Variants in GRM3 observed in about 807,000 individuals in gnomAD.
GRM3 encodes metabotropic glutamate receptor 3.
A neutral mutation model predicts 70.5 loss-of-function variants in GRM3; 26 were observed. That is an observed-to-expected ratio of 0.37 (90% CI 0.27 to 0.51). The LOEUF (loss-of-function observed/expected upper bound fraction) is 0.51, where lower values mean the gene tolerates loss of function less well. GRM3 is among the 20% of genes least tolerant of loss of function. The pLI is 0.93. For synonymous variants in GRM3, 443 were observed against 434.9 expected (o/e 1.02, Z -0.23); for missense variants, 859 against 1,123.8 (o/e 0.76, Z 3.37).
intron 1 of GRM3, among the ~76,000 whole-genome samples, chr7:86,670,467 A>G (rs575023201): frequency 2.0e-5 from 3 of 152,334 alleles, no homozygotes; most frequent in East Asian, 3.9e-4. Context: ...ATCCAGGAAC[A>G]TGACCTTGGA....
chr7:86,793,038 T>C (rs11764650), intron 3 of GRM3, among the ~76,000 whole-genome samples: 1 of 133,568 alleles, frequency 7.5e-6, no homozygotes, highest in African/African-American at 3.0e-5. Context: ...TTTTTTTTTT[T>C]TGCTACCAGT....
At chr7:86,683,874 T>C (rs1794499804) in intron 1 of GRM3, among the ~76,000 whole-genome samples, 1 of 152,114 alleles carries the variant, frequency 6.6e-6, no homozygotes, top group Non-Finnish European at 1.5e-5. Context: ...ATGTGACACA[T>C]GATCATGGTG....
intron 3 of GRM3, among the ~76,000 whole-genome samples, chr7:86,826,420 T>C (rs1345484035): frequency 6.6e-6 from 1 of 152,172 alleles, no homozygotes; most frequent in Non-Finnish European, 1.5e-5. Flanking sequence ...CTGACTGGTT[T>C]CTTAAAAGGG....
intron 3 of GRM3, among the ~76,000 whole-genome samples, chr7:86,798,460 T>C (rs180927739): frequency 1.3e-5 from 2 of 152,330 alleles, no homozygotes; most frequent in East Asian, 3.9e-4. Context: ...GATTTTGGAC[T>C]TGCATGGGTC....
chr7:86,796,258 T>A (rs1472861611), intron 3 of GRM3, among the ~76,000 whole-genome samples: 1 of 152,230 alleles, frequency 6.6e-6, no homozygotes. Context: ...AAGGAAGGGA[T>A]CCTATTTTAA....
chr7:86,650,951 C>G (rs941904032), intron 1 of GRM3, among the ~76,000 whole-genome samples: 1 of 152,146 alleles, frequency 6.6e-6, no homozygotes, highest in Non-Finnish European at 1.5e-5. Context: ...TGTTAGAAAA[C>G]TCTCAGCATT....
intron 1 of GRM3, among the ~76,000 whole-genome samples, chr7:86,664,741 G>A (rs1287560921): frequency 2.6e-5 from 4 of 151,904 alleles, no homozygotes; most frequent in African/African-American, 9.7e-5. Flanking sequence ...GAAGCTCATA[G>A]AGGGTGATTC....
chr7:86,774,918 T>C (rs1332691221), intron 2 of GRM3, among the ~76,000 whole-genome samples: 1 of 152,132 alleles, frequency 6.6e-6, no homozygotes, highest in Admixed American at 6.6e-5. Flanking sequence ...AAGTCTATAT[T>C]ACCTAAGTTT....
intron 3 of GRM3, among the ~76,000 whole-genome samples, chr7:86,807,435 T>C (rs1455001535): frequency 6.7e-6 from 1 of 150,256 alleles, no homozygotes; most frequent in East Asian, 1.9e-4. Flanking sequence ...CAGTGGTTTG[T>C]AGTTCTCGTT....
intron 3 of GRM3, among the ~76,000 whole-genome samples, chr7:86,823,723 AC>A (rs1344684353): frequency 6.6e-6 from 1 of 151,690 alleles, no homozygotes; most frequent in Non-Finnish European, 1.5e-5. Flanking sequence ...CCAAGCAGAA[AC>A]AAATTTCAAT....
chr7:86,803,711 G>A (rs1797729602), intron 3 of GRM3, among the ~76,000 whole-genome samples: 1 of 152,116 alleles, frequency 6.6e-6, no homozygotes, highest in African/African-American at 2.4e-5. Context: ...CTGAGTGCAG[G>A]CACAGCCCTT....
intron 1 of GRM3, among the ~76,000 whole-genome samples, chr7:86,649,442 T>TA (rs1793554299): frequency 6.6e-6 from 1 of 152,170 alleles, no homozygotes; most frequent in Admixed American, 6.5e-5. Flanking sequence ...AACATTCTGA[T>TA]ATAATCTACG....
intron 1 of GRM3, among the ~76,000 whole-genome samples, chr7:86,741,103 G>C (rs1281982882): frequency 6.6e-6 from 1 of 152,104 alleles, no homozygotes; most frequent in Non-Finnish European, 1.5e-5. Flanking sequence ...CCTTATGAAA[G>C]CATGGAGACA....
intron 1 of GRM3, among the ~76,000 whole-genome samples, chr7:86,739,414 T>A (rs1177317068): frequency 6.6e-6 from 1 of 152,222 alleles, no homozygotes; most frequent in African/African-American, 2.4e-5. Context: ...GAATTCAACT[T>A]TTTTAGATTC....
chr7:86,841,926 G>A (rs1798565955), intron 4 of GRM3, among the ~76,000 whole-genome samples: 1 of 152,108 alleles, frequency 6.6e-6, no homozygotes, highest in Admixed American at 6.6e-5. Flanking sequence ...AGTTTTTTAA[G>A]GTCCGTGATA....
intron 4 of GRM3, among the ~76,000 whole-genome samples, chr7:86,849,625 A>T (rs950139098): frequency 1.3e-5 from 2 of 152,104 alleles, no homozygotes; most frequent in Non-Finnish European, 2.9e-5. Context: ...GAAAGGAAAA[A>T]AATCTAAAGT....
intron 3 of GRM3, among the ~76,000 whole-genome samples, chr7:86,796,101 A>G (rs970805420): frequency 1.3e-5 from 2 of 152,058 alleles, no homozygotes; most frequent in Non-Finnish European, 2.9e-5. Flanking sequence ...CTTTTGTGGC[A>G]ATTGCTTTTG....
At chr7:86,647,940 G>T (rs1267251785) in intron 1 of GRM3, among the ~76,000 whole-genome samples, 2 of 152,138 alleles carry the variant, frequency 1.3e-5, no homozygotes, top group Non-Finnish European at 2.9e-5. Context: ...TCCCTATTAA[G>T]AACTTTGTTG....
chr7:86,690,226 T>C (rs1452296618), intron 1 of GRM3, among the ~76,000 whole-genome samples: 1 of 152,042 alleles, frequency 6.6e-6, no homozygotes, highest in African/African-American at 2.4e-5. Context: ...AATTACAGTT[T>C]CCAAGAACTG....
Sources: allele counts gnomAD v4.1 joint callset (sites outside exome capture counted in the v4.1 genomes callset), GRCh38; gene constraint gnomAD v4.1.1; transcripts MANE v1.5; gene names NCBI Gene and HGNC (gene_info 2026-07-23, HGNC 2026-07-21).